The following TLL1 variants were observed in gnomAD, a reference collection of about 807,000 sequenced individuals.
TLL1 encodes the protein tolloid-like protein 1.
Under a neutral mutation model 128.2 loss-of-function variants are expected in TLL1, and 49 were observed. That is an observed-to-expected ratio of 0.38 (90% confidence interval 0.30 to 0.48). The LOEUF (loss-of-function observed/expected upper bound fraction) is 0.48, where lower values mean the gene tolerates loss of function less well. TLL1 is among the 20% of genes least tolerant of loss of function. The pLI is 0.96. For missense variants in TLL1, 1,123 were observed against 1,242.0 expected (o/e 0.90, Z 1.44); for synonymous variants, 454 against 418.8 (o/e 1.08, Z -1.03).
intron 17 of TLL1, 152 bp from the exon 18 acceptor site, chr4:166,077,751 A>G: frequency 1.1e-6 from 1 of 949,994 alleles, no homozygotes; most frequent in East Asian, 2.7e-5. Flanking sequence ...TATTTTCCAG[A>G]GCAGATGAAT....
At chr4:165,888,676 G>T (rs910665370) in intron 1 of TLL1, among the ~76,000 whole-genome samples, 1 of 152,020 alleles carries the variant, frequency 6.6e-6, no homozygotes, top group Admixed American at 6.6e-5. Flanking sequence ...TTTTGGGTAT[G>T]GTTCTTGCTT....
Position 166,001,172 on chromosome 4 carries a change from T to C in TLL1, c.633-2219T>C, listed in dbSNP as rs7658466. 9.4e-3 allele frequency among the ~76,000 whole-genome samples: 1,438 copies of C among 152,290 alleles called. 28 individuals carry two copies. The highest frequency in any genetic ancestry group is 0.033 in the African/African-American group (1,360 of 41,562). ...AGTTTTTGGCATTTTTCTCTTCCAA[T>C]TTAATATATCAGAAGAGGCGGTTGG... On this transcript the variant is annotated intron_variant, in intron 5 of 20. Coordinates refer to ENST00000061240, the MANE Select transcript of TLL1 (RefSeq NM_012464.5).
At chr4:165,933,310 C>T (rs971695001) in intron 1 of TLL1, among the ~76,000 whole-genome samples, 9 of 151,996 alleles carry the variant, frequency 5.9e-5, no homozygotes, top group East Asian at 1.9e-4. Flanking sequence ...GGGGAGAGGA[C>T]GCCTCAGATC....
chr4:165,999,545 G>T (rs927451769), intron 5 of TLL1, among the ~76,000 whole-genome samples: 1 of 152,044 alleles, frequency 6.6e-6, no homozygotes, highest in African/African-American at 2.4e-5. Flanking sequence ...CCACCAGCTC[G>T]GTCCCTCGAC....
At chr4:165,936,077 C>T (rs947885469) in intron 1 of TLL1, among the ~76,000 whole-genome samples, 9 of 150,032 alleles carry the variant, frequency 6.0e-5, no homozygotes, top group African/African-American at 2.2e-4. Context: ...ATCGTTGATT[C>T]CTTGAGAGTT....
At position 166,043,382 on chromosome 4, in the gene TLL1, A is replaced by C. The variant is rs769573225; in HGVS notation, c.1487A>C (p.Glu496Ala). The C allele has an allele frequency of 1.2e-5, 19 of 1,614,140 alleles. No individual in the cohort carries two copies. Among genetic ancestry groups the C allele is most frequent in the Non-Finnish European group, 1.4e-5 (16 of 1,179,992 alleles). The change falls in exon 12 of 21, where the codon GAG (glutamate) becomes GCG (alanine). Residue 496 changes from glutamate to alanine, a missense_variant. By Grantham distance (107) the Glu-to-Ala change is moderately radical. Coordinates refer to ENST00000061240, the MANE Select transcript of TLL1 (RefSeq NM_012464.5). ...TGTGTGTGGAAAATAACAGTGTCTG[A>C]GAGCTACCACGTCGGGCTGACCTTT... ...KECVWKITVS[E>A]SYHVGLTFQS...
Position 165,873,979 on chromosome 4 carries a change from A to G in TLL1, c.75A>G (p.Leu25=). The part of the protein sequence containing the change: ...VASGIVFYGE[L]WVCAGLDYDY... The stretch of plus-strand genomic sequence containing the variant: ...CGGGGATTGTTTTCTACGGGGAGCT[A>G]TGGGTCTGCGCTGGCCTCGATTATG... Residue 25 remains leucine, a synonymous_variant, in exon 1 of 21, where the codon CTA becomes CTG. Coordinates refer to ENST00000061240, the MANE Select transcript of TLL1 (RefSeq NM_012464.5). 1.9e-6 allele frequency: 3 copies of G among 1,614,046 alleles called. No homozygotes were observed. The highest frequency in any genetic ancestry group is 1.7e-6 in the Non-Finnish European group (2 of 1,180,002).
chr4:165,966,198 A>G (rs922999365), intron 1 of TLL1, among the ~76,000 whole-genome samples: 15 of 139,410 alleles, frequency 1.1e-4, no homozygotes, highest in African/African-American at 3.0e-4. Context: ...AAAAAAAAAG[A>G]AGGATTAGAG....
intron 1 of TLL1, among the ~76,000 whole-genome samples, chr4:165,946,403 A>C (rs1734250487): frequency 6.6e-6 from 1 of 151,766 alleles, no homozygotes; most frequent in African/African-American, 2.4e-5. Context: ...TGGCATGATC[A>C]TAGCTCACTG....
chr4:165,963,054 CAAAAAAAAAAA>C (rs869191830), intron 1 of TLL1, among the ~76,000 whole-genome samples: 12 of 18,336 alleles, frequency 6.5e-4, no homozygotes, highest in Non-Finnish European at 1.5e-3. Flanking sequence ...GGCTCTGTCT[CAAAAAAAAAAA>C]AAAAAAAAAA....
chr4:165,878,838 C>A (rs562254868), intron 1 of TLL1, among the ~76,000 whole-genome samples: 2 of 149,640 alleles, frequency 1.3e-5, no homozygotes. Flanking sequence ...TGAAACAGTT[C>A]GTATGTGTAG....
intron 7 of TLL1, among the ~76,000 whole-genome samples, chr4:166,011,986 T>A (rs1353971147): frequency 6.6e-6 from 1 of 151,606 alleles, no homozygotes; most frequent in Admixed American, 6.6e-5. Context: ...TTCCAATTGT[T>A]TTTATGATGT....
intron 1 of TLL1, among the ~76,000 whole-genome samples, chr4:165,987,378 G>T (rs1393200288): frequency 6.6e-6 from 1 of 152,078 alleles, no homozygotes; most frequent in Non-Finnish European, 1.5e-5. Flanking sequence ...TCTTGCGGGG[G>T]TCTGGCTTTA....
chr4:166,093,948 A>C (rs1741900633), intron 19 of TLL1, among the ~76,000 whole-genome samples: 1 of 152,176 alleles, frequency 6.6e-6, no homozygotes. Flanking sequence ...GGCTGGGGCA[A>C]AGTGGCTGGG....
chr4:166,025,343 A>T lies in TLL1; in HGVS notation c.1070A>T (p.Asn357Ile), dbSNP rs761347139. The change falls in exon 9 of 21, where the codon AAT becomes ATT. Residue 357 changes from asparagine (N) to isoleucine (I), a missense_variant. Physicochemically the swap from Asn to Ile is moderately radical, Grantham distance 149 (BLOSUM62 -3). This residue lies in a region of TLL1 where 480 missense variants were observed against 542.4 expected (regional missense o/e 0.89). Coordinates refer to ENST00000061240, the MANE Select transcript of TLL1 (RefSeq NM_012464.5). Reference protein sequence around the residue: ...PACGETLQESNGNLSSPGFPN... With the variant: ...PACGETLQESIGNLSSPGFPN... Reference sequence around the variant, plus strand: ...TGTGGAGAAACTCTACAAGAATCCAATGGCAACCTTTCCTCTCCAGGATTT... The same window carrying T: ...TGTGGAGAAACTCTACAAGAATCCATTGGCAACCTTTCCTCTCCAGGATTT... 5.0e-6 allele frequency: 8 copies of T among 1,613,766 alleles called. No individual in the cohort carries two copies.
At chr4:165,989,305 T>A in intron 1 of TLL1, 76 bp from the exon 2 acceptor site, 1 of 1,102,272 alleles carries the variant, frequency 9.1e-7, no homozygotes, top group Non-Finnish European at 1.4e-6. Context: ...TTTTTAACAA[T>A]GCTTTTCTAA....
At chr4:166,036,099 T>C (rs1047697853) in intron 9 of TLL1, among the ~76,000 whole-genome samples, 3 of 152,180 alleles carry the variant, frequency 2.0e-5, no homozygotes, top group Admixed American at 1.3e-4. Context: ...TTACGCTAAT[T>C]GGCTTTTTTT....
intron 9 of TLL1, among the ~76,000 whole-genome samples, chr4:166,032,627 G>T (rs988449720): frequency 6.6e-6 from 1 of 152,016 alleles, no homozygotes; most frequent in Non-Finnish European, 1.5e-5. Context: ...CATTTTAAAG[G>T]ATATGTGAAA....
At chr4:165,932,983 T>C (rs1483712294) in intron 1 of TLL1, among the ~76,000 whole-genome samples, 3 of 152,236 alleles carry the variant, frequency 2.0e-5, no homozygotes, top group African/African-American at 7.2e-5. Context: ...CAGCTTCCGA[T>C]TAGAAAGTTA....
Sources: allele counts gnomAD v4.1 joint callset (sites outside exome capture counted in the v4.1 genomes callset), GRCh38; gene constraint gnomAD v4.1.1; regional missense constraint gnomAD v4.1.1; transcripts MANE v1.5; gene names NCBI Gene and HGNC (gene_info 2026-07-23, HGNC 2026-07-21).